Variants in FAM120A observed in about 807,000 individuals in gnomAD.
FAM120A encodes constitutive coactivator of PPAR-gamma-like protein 1.
Under a neutral mutation model 109.7 loss-of-function variants are expected in FAM120A, and 15 were observed. The observed-to-expected ratio is 0.14, with a 90% CI of 0.09 to 0.21. The LOEUF (loss-of-function observed/expected upper bound fraction) is 0.21. Ranked by LOEUF, FAM120A falls within the 10% of genes least tolerant of loss-of-function variation. The pLI is 1.00. For synonymous variants in FAM120A, 493 were observed against 572.8 expected (o/e 0.86, Z 1.99); for missense variants, 899 against 1,439.3 (o/e 0.62, Z 6.07).
intron 7 of FAM120A, among the ~76,000 whole-genome samples, chr9:93,516,530 A>G (rs1218303124): frequency 6.6e-6 from 1 of 152,116 alleles, no homozygotes; most frequent in East Asian, 1.9e-4. Flanking sequence ...TCTGGGGAGG[A>G]ATTTGACAAG....
chr9:93,532,184 A>G lies in FAM120A; in HGVS notation c.1764A>G (p.Glu588=). 1 of 1,614,180 alleles carries G rather than the reference A, an allele frequency of 6.2e-7. No individual in the cohort carries two copies. The highest frequency in any genetic ancestry group is 2.2e-5 in the East Asian group (1 of 44,890). ...AAATCAAAATTGCTGTTTCTATTGA[A>G]GATGAAGCCAACAAGGACCTGCCTC... ...KGEIKIAVSI[E]DEANKDLPPA... Residue 588 remains glutamate (E), a synonymous_variant, in exon 10 of 18, where the codon GAA becomes GAG. Transcript: ENST00000277165. The surrounding 1 kb of genome is among the most constrained non-coding windows in gnomAD (Gnocchi z 4.3).
chr9:93,451,888 C>T lies in FAM120A; in HGVS notation c.-28C>T. On this transcript the variant is annotated 5_prime_UTR_variant, in exon 1 of 18. Transcript: ENST00000277165. The stretch of plus-strand genomic sequence containing the variant: ...CCCCGGCCCCGCCGCCCCCCGCCCG[C>T]ACCCGCGCCCGCGCCCCCGCCGCCG... The T allele has an allele frequency of 8.1e-7, 1 of 1,236,994 alleles. No individual in the cohort carries two copies. Among genetic ancestry groups the T allele is most frequent in the Non-Finnish European group, 1.0e-6 (1 of 992,764 alleles). The allele number at this position is 1,236,994 out of a possible 1,614,324, so 76.6% of individuals were successfully genotyped here.
At chr9:93,540,646 G>T (rs932183268) in intron 10 of FAM120A, among the ~76,000 whole-genome samples, 5 of 152,150 alleles carry the variant, frequency 3.3e-5, no homozygotes, top group Non-Finnish European at 7.4e-5. Context: ...ACCAGGCCAG[G>T]CTCATTCAGG....
chr9:93,476,309 G>T lies in FAM120A; in HGVS notation c.775G>T (p.Gly259Cys). 1 of 1,608,630 alleles carries T rather than the reference G, an allele frequency of 6.2e-7. No individual in the cohort carries two copies. The highest frequency in any genetic ancestry group is 1.1e-5 in the South Asian group (1 of 90,928). The change falls in exon 3 of 18, where the codon GGT becomes TGT. Residue 259 changes from glycine to cysteine, a missense_variant. By Grantham distance (159) the Gly-to-Cys change is radical. Transcript: ENST00000277165. ...GGCTTCCTTTCACTGGAGTTTACTT[G>T]GTCCAGAACATCCACTAGCCTCACT... is the stretch of plus-strand genomic sequence containing the variant. Reference protein sequence around the residue: ...DLASFHWSLLGPEHPLASLKV... With the variant: ...DLASFHWSLLCPEHPLASLKV...
intron 5 of FAM120A, among the ~76,000 whole-genome samples, chr9:93,514,319 T>C (rs1860470200): frequency 6.6e-6 from 1 of 152,218 alleles, no homozygotes; most frequent in South Asian, 2.1e-4. Flanking sequence ...GGATTATAAT[T>C]CAAGATGAGA....
chr9:93,466,699 C>A (rs1176987632), intron 1 of FAM120A, among the ~76,000 whole-genome samples: 2 of 152,058 alleles, frequency 1.3e-5, no homozygotes, highest in African/African-American at 4.8e-5. Context: ...AACACCAGAT[C>A]TTCCATTGTT....
intron 13 of FAM120A, among the ~76,000 whole-genome samples, 181 bp downstream of exon 13, chr9:93,556,772 T>C (rs376028463): frequency 2.0e-5 from 3 of 152,350 alleles, no homozygotes; most frequent in Admixed American, 1.3e-4. Context: ...GCTCCTGATA[T>C]AACATTGTTT....
chr9:93,472,934 ATTAACT>A (rs1858373554), intron 2 of FAM120A, among the ~76,000 whole-genome samples: 3 of 152,230 alleles, frequency 2.0e-5, no homozygotes, highest in Non-Finnish European at 2.9e-5. Flanking sequence ...GCAGGGAAAG[ATTAACT>A]TTAAAAGATC....
chr9:93,499,254 T>G (rs938382275), intron 5 of FAM120A, among the ~76,000 whole-genome samples: 1 of 151,736 alleles, frequency 6.6e-6, no homozygotes, highest in Non-Finnish European at 1.5e-5. Context: ...GTATTTGTAG[T>G]CTCTCTTTTC....
In FAM120A at chr9:93,565,892, T is replaced by C. The variant is rs1177109007; in HGVS notation, c.*1352T>C. 17 of 152,650 alleles carry C rather than the reference T, an allele frequency of 1.1e-4. No homozygotes were observed. The highest frequency in any genetic ancestry group is 5.9e-5 in the Non-Finnish European group (4 of 68,036). The allele number at this position is 152,650 out of a possible 1,614,324, so 9.5% of individuals were successfully genotyped here. On this transcript the variant is annotated 3_prime_UTR_variant, in exon 18 of 18. Transcript: ENST00000277165. ...ATACTTCTGATGCTCTTCATCACAT[T>C]AGTGATCAGAAATGAGGTGTAATTC...
chr9:93,499,007 G>A, intron 5 of FAM120A, 121 bp downstream of exon 5: 1 of 740,576 alleles, frequency 1.4e-6, no homozygotes, highest in Non-Finnish European at 2.3e-6. Context: ...AGTTATGCCA[G>A]TAAGTATAGC....
chr9:93,460,410 C>T (rs777563307), intron 1 of FAM120A, among the ~76,000 whole-genome samples: 3 of 152,184 alleles, frequency 2.0e-5, no homozygotes, highest in Non-Finnish European at 4.4e-5. Flanking sequence ...GACACAATCT[C>T]AGCTGACTGC....
At chr9:93,554,260 G>C (rs1862215396) in intron 12 of FAM120A, among the ~76,000 whole-genome samples, 1 of 151,428 alleles carries the variant, frequency 6.6e-6, no homozygotes, top group African/African-American at 2.4e-5. Flanking sequence ...GTATACATCT[G>C]CTGCTGTTTC....
chr9:93,548,601 TA>T (rs1217801251), intron 11 of FAM120A, among the ~76,000 whole-genome samples: 1 of 151,996 alleles, frequency 6.6e-6, no homozygotes, highest in Non-Finnish European at 1.5e-5. Flanking sequence ...TTACCTCAAT[TA>T]AAAAATAAAA....
chr9:93,560,996 G>A (rs1310881688), intron 15 of FAM120A, 113 bp from the exon 16 acceptor site: 5 of 1,147,586 alleles, frequency 4.4e-6, no homozygotes, highest in Non-Finnish European at 6.3e-6. Context: ...GGAGAAAGTA[G>A]CTTCATAGTA....
chr9:93,480,067 G>A (rs1356971211), intron 3 of FAM120A, among the ~76,000 whole-genome samples: 1 of 152,158 alleles, frequency 6.6e-6, no homozygotes, highest in African/African-American at 2.4e-5. Flanking sequence ...TGCAATGTTA[G>A]ACATACTCAG....
intron 10 of FAM120A, among the ~76,000 whole-genome samples, chr9:93,542,717 TTTG>T (rs2131515437): frequency 6.6e-6 from 1 of 152,346 alleles, no homozygotes; most frequent in Non-Finnish European, 1.5e-5. Context: ...AACAGTTACA[TTTG>T]TTGAAGTGGG....
chr9:93,520,327 C>G (rs118171833), intron 7 of FAM120A, among the ~76,000 whole-genome samples: 1 of 152,080 alleles, frequency 6.6e-6, no homozygotes, highest in Admixed American at 6.5e-5. Flanking sequence ...ATGGCCAATG[C>G]GCTCTCTCCT....
intron 3 of FAM120A, among the ~76,000 whole-genome samples, chr9:93,486,268 C>T (rs914344224): frequency 5.3e-5 from 8 of 151,998 alleles, no homozygotes; most frequent in Non-Finnish European, 5.9e-5. Context: ...GCCCCACACC[C>T]AGCCTACTGC....
Sources: gnomAD v4.1 joint callset for allele counts (sites outside exome capture counted in the v4.1 genomes callset) on GRCh38, gnomAD v4.1.1 for gene constraint, Gnocchi (gnomAD v3.1) non-coding constraint, MANE v1.5 for transcripts, NCBI Gene and HGNC (gene_info 2026-07-23, HGNC 2026-07-21) for gene names.